Variants in ADGRG6 observed in about 807,000 individuals in gnomAD.
The protein encoded by ADGRG6 is adhesion G protein-coupled receptor G6, also known as G-protein coupled receptor 126.
A neutral mutation model predicts 142.4 loss-of-function variants in ADGRG6; 84 were observed. The observed-to-expected ratio is 0.59, with a 90% CI of 0.49 to 0.71. ADGRG6 has a LOEUF of 0.71. Ranked by LOEUF, ADGRG6 falls within the 30% of genes least tolerant of loss-of-function variation. The pLI is 0.00. For synonymous variants in ADGRG6, 521 were observed against 520.5 expected, an observed-to-expected ratio of 1.00 and a Z score of -0.01; for missense variants, 1,367 against 1,466.6, an observed-to-expected ratio of 0.93 and a Z score of 1.11.
chr6:142,322,785 AAC>A (rs1378233777), intron 2 of ADGRG6, among the ~76,000 whole-genome samples: 29 of 152,124 alleles, frequency 1.9e-4, no homozygotes, highest in Non-Finnish European at 3.7e-4. Flanking sequence ...GTTTTAATGT[AAC>A]AGAGTGGTTT....
chr6:142,432,518 C>T (rs1040855459), intron 22 of ADGRG6, among the ~76,000 whole-genome samples: 7 of 152,048 alleles, frequency 4.6e-5, no homozygotes, highest in Admixed American at 2.0e-4. Context: ...TGTTCCATAG[C>T]GTCACAATTC....
At position 142,318,278 on chromosome 6, in the gene ADGRG6, T is replaced by A. The variant is rs1324178041; in HGVS notation, c.103+8634T>A. On this transcript the variant is annotated intron_variant, in intron 2 of 24. Coordinates refer to ENST00000367609, the MANE Select transcript of ADGRG6 (RefSeq NM_198569.3). Reference sequence around the variant, plus strand: ...ATATATTTATTATATATATTTATATTATATATATTTATATATTATATATAT... The same window carrying A: ...ATATATTTATTATATATATTTATATAATATATATTTATATATTATATATAT... Among the ~76,000 whole-genome samples the A allele has an allele frequency of 9.2e-3, 557 of 60,522 alleles. 7 individuals are homozygous for A. The highest frequency in any genetic ancestry group is 0.046 in the East Asian group (123 of 2,678). 39.7% of individuals were successfully genotyped at this position (60,522 alleles called of 152,430 possible). A position where few individuals can be genotyped will look rare whatever the true frequency, so the allele number is the denominator to read the frequency against.
At chr6:142,302,415 C>T in intron 1 of ADGRG6, 84 bp downstream of exon 1, 1 of 1,404,396 alleles carries the variant, frequency 7.1e-7, no homozygotes, top group Non-Finnish European at 9.8e-7. Context: ...CCACCCCACC[C>T]TCAAGAGAAA....
In ADGRG6 at chr6:142,317,967, A is replaced by ATTATATATATTTATATTATATAT. The variant is rs1562306516; in HGVS notation, c.103+8341_103+8342insTATATTTATATATATTTATATTA. Reference sequence around the variant, plus strand: ...ATATATTTATATTATATATTTATATATTATATATATTTATATTACATATTT... The same window carrying ATTATATATATTTATATTATATAT: ...ATATATTTATATTATATATTTATATATTATATATATTTATATTATATATTTATATATATTTATATTACATATTT... On this transcript the variant is annotated intron_variant, in intron 2 of 24. Transcript: ENST00000367609. 1.7e-3 allele frequency among the ~76,000 whole-genome samples: 111 copies of ATTATATATATTTATATTATATAT among 66,244 alleles called. 6 individuals are homozygous for ATTATATATATTTATATTATATAT. The highest frequency in any genetic ancestry group is 7.1e-3 in the African/African-American group (108 of 15,128). 43.5% of individuals were successfully genotyped at this position (66,244 alleles called of 152,430 possible). A position where few individuals can be genotyped will look rare whatever the true frequency, so the allele number is the denominator to read the frequency against.
intron 2 of ADGRG6, among the ~76,000 whole-genome samples, chr6:142,366,021 G>A (rs1347431195): frequency 6.6e-6 from 1 of 152,110 alleles, no homozygotes; most frequent in African/African-American, 2.4e-5. Flanking sequence ...AATTTATCCA[G>A]TATTTTGAAT....
chr6:142,348,712 G>A (rs1780024244), intron 2 of ADGRG6, among the ~76,000 whole-genome samples: 1 of 151,794 alleles, frequency 6.6e-6, no homozygotes, highest in Non-Finnish European at 1.5e-5. Flanking sequence ...TGGGAATGTA[G>A]GAAATTTCAT....
chr6:142,369,409 A>G (rs1285687395), intron 3 of ADGRG6, among the ~76,000 whole-genome samples: 1 of 152,226 alleles, frequency 6.6e-6, no homozygotes, highest in Non-Finnish European at 1.5e-5. Context: ...TATATACAAT[A>G]GGTGCCATTG....
chr6:142,436,124 G>C lies in ADGRG6; in HGVS notation c.3320-1310G>C, dbSNP rs2115186122. Among the ~76,000 whole-genome samples the C allele has an allele frequency of 2.0e-5, 3 of 152,218 alleles. No individual in the cohort carries two copies. The South Asian group carries it at 6.2e-4, about 32-fold the overall frequency. ...GTGTTGGAATCCTGGTGGGGGGTAG[G>C]GGAGAGAAAGGGGCAGAACCAAATA... On this transcript the variant is annotated intron_variant, in intron 22 of 24. Transcript: ENST00000367609.
At position 142,416,001 on chromosome 6, in the gene ADGRG6, C is replaced by T. The variant is rs776316961; in HGVS notation, c.2875C>T (p.Leu959=). 3.7e-6 allele frequency: 6 copies of T among 1,609,720 alleles called. No individual in the cohort carries two copies. The highest frequency in any genetic ancestry group is 5.1e-6 in the Non-Finnish European group (6 of 1,176,334). The change falls in exon 20 of 25, where the codon CTA becomes TTA. Residue 959 remains leucine (L), a synonymous_variant. Transcript: ENST00000367609. ...AGAAGCAATTCACATGTACATTGCT[C>T]TAGTTAAAGTATTTAACACTTACAT... ...GLEAIHMYIA[L]VKVFNTYIRR... is the part of the protein sequence containing the mutation.
chr6:142,379,142 T>A (rs1269734449), intron 4 of ADGRG6, among the ~76,000 whole-genome samples: 1 of 152,222 alleles, frequency 6.6e-6, no homozygotes. Context: ...CTACCCCACC[T>A]AAGTCTGCTC....
Position 142,302,019 on chromosome 6 carries a change from G to T in ADGRG6, c.-311G>T. 3 of 480,914 alleles carry T rather than the reference G, an allele frequency of 6.2e-6. No homozygotes were observed. The highest frequency in any genetic ancestry group is 7.9e-5 in the South Asian group (2 of 25,194). The allele number at this position is 480,914 out of a possible 1,614,324, so 29.8% of individuals were successfully genotyped here. A position where few individuals can be genotyped will look rare whatever the true frequency, so the allele number is the denominator to read the frequency against. ...ACCCCTGCCTGGCCCGGTCTCCTCA[G>T]CACCAGCCCCACGCACACCCTACTT... On this transcript the variant is annotated 5_prime_UTR_variant, in exon 1 of 25. Transcript: ENST00000367609.
At chr6:142,427,030 A>G (rs1040999305) in intron 22 of ADGRG6, among the ~76,000 whole-genome samples, 1 of 152,170 alleles carries the variant, frequency 6.6e-6, no homozygotes, top group Non-Finnish European at 1.5e-5. Context: ...GGCTACTGCA[A>G]AGATCTCTGA....
intron 18 of ADGRG6, among the ~76,000 whole-genome samples, chr6:142,413,910 C>CACAA (rs1299691348): frequency 7.4e-6 from 1 of 134,968 alleles, no homozygotes; most frequent in African/African-American, 3.4e-5. Context: ...CACACACACA[C>CACAA]ACACACACAC....
At chr6:142,315,523 A>C (rs1778002646) in intron 2 of ADGRG6, among the ~76,000 whole-genome samples, 1 of 152,154 alleles carries the variant, frequency 6.6e-6, no homozygotes, top group South Asian at 2.1e-4. Flanking sequence ...CAAGTCACAT[A>C]AACATCCTTT....
In ADGRG6 at chr6:142,400,477, T is replaced by C. The variant is rs373554708; in HGVS notation, c.1568-8T>C. 9.9e-6 allele frequency: 13 copies of C among 1,315,736 alleles called. No individual in the cohort carries two copies. The African/African-American group carries it at 1.9e-4, about 19-fold the overall frequency. The allele number at this position is 1,315,736 out of a possible 1,614,324, so 81.5% of individuals were successfully genotyped here. A position where few individuals can be genotyped will look rare whatever the true frequency, so the allele number is the denominator to read the frequency against. On this transcript the variant is annotated splice_region_variant and splice_polypyrimidine_tract_variant and intron_variant, in intron 10 of 24. Transcript: ENST00000367609. Reference sequence around the variant, plus strand: ...ATATTTCTCATGCTGGTTCTTATGTTCATATAGGTCATTGTCTTGCCATGG... The same window carrying C: ...ATATTTCTCATGCTGGTTCTTATGTCCATATAGGTCATTGTCTTGCCATGG...
intron 6 of ADGRG6, among the ~76,000 whole-genome samples, chr6:142,384,320 A>G (rs1417993257): frequency 4.6e-5 from 7 of 152,166 alleles, no homozygotes. Flanking sequence ...GTCCATAGTA[A>G]TACTTTGCTT....
intron 22 of ADGRG6, among the ~76,000 whole-genome samples, chr6:142,421,714 A>T (rs1160624750): frequency 2.0e-5 from 3 of 152,148 alleles, no homozygotes; most frequent in Non-Finnish European, 2.9e-5. Flanking sequence ...GAGAATTGGG[A>T]TGTTTTATTT....
intron 2 of ADGRG6, among the ~76,000 whole-genome samples, chr6:142,364,709 T>C (rs907889219): frequency 6.6e-6 from 1 of 152,164 alleles, no homozygotes; most frequent in Non-Finnish European, 1.5e-5. Context: ...TCAGTCAAAT[T>C]TAACTTTCTT....
At chr6:142,443,304 C>T (rs1562399799) in intron 24 of ADGRG6, 33 bp from the exon 25 acceptor site, 2 of 1,550,918 alleles carry the variant, frequency 1.3e-6, no homozygotes, top group East Asian at 2.3e-5. Flanking sequence ...ACCAGCTCAT[C>T]TTGAACCTAA....
Sources: allele counts gnomAD v4.1 joint callset (sites outside exome capture counted in the v4.1 genomes callset), GRCh38; gene constraint gnomAD v4.1.1; transcripts MANE v1.5; gene names NCBI Gene and HGNC (gene_info 2026-07-23, HGNC 2026-07-21).